The following IGF2BP2 variants were observed in gnomAD, a reference collection of about 807,000 sequenced individuals.
IGF2BP2 encodes the protein insulin-like growth factor 2 mRNA-binding protein 2.
In IGF2BP2, 17 loss-of-function variants were observed where a neutral mutation model predicts 75.8. The ratio of observed to expected loss-of-function variants is 0.22; its 90% CI spans 0.15 to 0.34. IGF2BP2 has a LOEUF of 0.34. Among genes scored for constraint, IGF2BP2 ranks in the 10% least tolerant of loss-of-function variants. The pLI is 1.00. For synonymous variants in IGF2BP2, 288 were observed against 295.6 expected (o/e 0.97, Z 0.26); for missense variants, 516 against 772.4 (o/e 0.67, Z 3.93).
chr3:185,676,187 T>C (rs1278370167), intron 7 of IGF2BP2, among the ~76,000 whole-genome samples: 5 of 152,062 alleles, frequency 3.3e-5, no homozygotes, highest in East Asian at 3.9e-4. Context: ...AAGAACTCTA[T>C]TGGGTGAAGA....
rs141646199 is a variant in IGF2BP2, at chr3:185,755,271, C to T, written c.240-56924G>A. ...GCCACGGTTCACAGGGCCCCAGGTA[C>T]AGCTCGGGCTGCTTTGGAGAGTGCA... is the stretch of plus-strand genomic sequence containing the variant. On this transcript the variant is annotated intron_variant, in intron 2 of 15. Transcript: ENST00000382199. 2.0e-3 allele frequency among the ~76,000 whole-genome samples: 300 copies of T among 152,364 alleles called. 1 individual carries two copies. The highest frequency in any genetic ancestry group is 3.5e-3 in the South Asian group (17 of 4,834).
At chr3:185,649,291 A>C (rs530283113) in intron 14 of IGF2BP2, 112 bp downstream of exon 14, 1 of 1,386,192 alleles carries the variant, frequency 7.2e-7, no homozygotes, top group African/African-American at 1.4e-5. Flanking sequence ...TCTGCCAAAG[A>C]CCCTGACTGT....
At chr3:185,754,844 G>T (rs1731403158) in intron 2 of IGF2BP2, among the ~76,000 whole-genome samples, 1 of 152,184 alleles carries the variant, frequency 6.6e-6, no homozygotes, top group African/African-American at 2.4e-5. Context: ...TTTCTAAGCG[G>T]CAAAGCAATC....
At chr3:185,677,044 GATATATATATATATAT>G (rs1164588813) in intron 7 of IGF2BP2, among the ~76,000 whole-genome samples, 2 of 23,860 alleles carry the variant, frequency 8.4e-5, no homozygotes, top group African/African-American at 2.2e-4. Flanking sequence ...TATATATGGA[GATATATATATATATAT>G]ATATATATAG....
intron 12 of IGF2BP2, among the ~76,000 whole-genome samples, chr3:185,652,391 A>G (rs1714753310): frequency 6.6e-6 from 1 of 152,202 alleles, no homozygotes; most frequent in African/African-American, 2.4e-5. Context: ...AGGGACAGTC[A>G]GACACAGGCC....
chr3:185,675,652 T>C (rs1212529938), intron 8 of IGF2BP2, 139 bp downstream of exon 8: 5 of 1,223,422 alleles, frequency 4.1e-6, no homozygotes, highest in Non-Finnish European at 5.7e-6. Context: ...TTTATGTATT[T>C]TTTTAAAAGA....
chr3:185,767,580 A>G (rs1733260609), intron 2 of IGF2BP2, among the ~76,000 whole-genome samples: 1 of 152,190 alleles, frequency 6.6e-6, no homozygotes, highest in Admixed American at 6.5e-5. Context: ...AATGTATTTG[A>G]CCACTGAACC....
chr3:185,808,458 C>A (rs894217214), intron 2 of IGF2BP2, among the ~76,000 whole-genome samples: 2 of 152,042 alleles, frequency 1.3e-5, no homozygotes, highest in Non-Finnish European at 2.9e-5. Flanking sequence ...CCAGCCTGGG[C>A]AACAAGAGCT....
chr3:185,725,269 A>G (rs762621734), intron 2 of IGF2BP2, among the ~76,000 whole-genome samples: 1 of 152,186 alleles, frequency 6.6e-6, no homozygotes, highest in South Asian at 2.1e-4. Context: ...GATAATCAAT[A>G]TAATTGTTTT....
At chr3:185,790,748 C>T (rs1474522576) in intron 2 of IGF2BP2, among the ~76,000 whole-genome samples, 1 of 152,026 alleles carries the variant, frequency 6.6e-6, no homozygotes, top group Non-Finnish European at 1.5e-5. Flanking sequence ...TGATGTTTGC[C>T]TTAATAGAAA....
At chr3:185,702,595 G>C (rs1418233944) in intron 2 of IGF2BP2, among the ~76,000 whole-genome samples, 1 of 152,092 alleles carries the variant, frequency 6.6e-6, no homozygotes, top group Non-Finnish European at 1.5e-5. Context: ...CAGAGCCACA[G>C]AACTATTACA....
intron 7 of IGF2BP2, among the ~76,000 whole-genome samples, chr3:185,684,075 G>A: frequency 6.6e-6 from 1 of 152,168 alleles, no homozygotes; most frequent in East Asian, 1.9e-4. Flanking sequence ...AATAAAGAGG[G>A]TGCTTGAAGA....
intron 7 of IGF2BP2, among the ~76,000 whole-genome samples, chr3:185,678,528 A>G (rs1719891482): frequency 6.6e-6 from 1 of 152,188 alleles, no homozygotes; most frequent in Admixed American, 6.5e-5. Flanking sequence ...TATAATTTCA[A>G]TCTTCTTGAA....
intron 2 of IGF2BP2, among the ~76,000 whole-genome samples, chr3:185,779,095 C>A (rs929363758): frequency 2.3e-4 from 33 of 145,788 alleles, no homozygotes; most frequent in African/African-American, 8.3e-4. Flanking sequence ...TTTTTTTTTG[C>A]AGTTATTTTT....
At chr3:185,728,055 G>A (rs567721977) in intron 2 of IGF2BP2, among the ~76,000 whole-genome samples, 11 of 152,314 alleles carry the variant, frequency 7.2e-5, no homozygotes, top group African/African-American at 1.7e-4. Flanking sequence ...GCTGGAGAAT[G>A]CATAGGGAGG....
chr3:185,661,044 A>C (rs971666873), intron 10 of IGF2BP2, among the ~76,000 whole-genome samples: 7 of 152,242 alleles, frequency 4.6e-5, no homozygotes, highest in African/African-American at 1.7e-4. Flanking sequence ...GATTTTTAAA[A>C]TTAGCTGTCA....
intron 2 of IGF2BP2, among the ~76,000 whole-genome samples, chr3:185,740,405 C>T (rs907523190): frequency 6.6e-6 from 1 of 152,196 alleles, no homozygotes; most frequent in Non-Finnish European, 1.5e-5. Context: ...AAAACATTCA[C>T]AGTCTAATAC....
chr3:185,696,360 T>C, intron 4 of IGF2BP2: 2 of 477,382 alleles, frequency 4.2e-6, no homozygotes, highest in Middle Eastern at 5.6e-4. Context: ...TTGAGCACAC[T>C]GCACAGTATA....
chr3:185,725,944 T>A (rs1343961365), intron 2 of IGF2BP2, among the ~76,000 whole-genome samples: 5 of 152,166 alleles, frequency 3.3e-5, no homozygotes, highest in Non-Finnish European at 5.9e-5. Flanking sequence ...AGCCTGCACA[T>A]CAGGGTGAAA....
Sources: allele counts gnomAD v4.1 joint callset (sites outside exome capture counted in the v4.1 genomes callset), GRCh38; gene constraint gnomAD v4.1.1; transcripts MANE v1.5; gene names NCBI Gene and HGNC (gene_info 2026-07-23, HGNC 2026-07-21).